Variants in ALDH1L1 observed in about 807,000 individuals in gnomAD.
The protein encoded by ALDH1L1 is cytosolic 10-formyltetrahydrofolate dehydrogenase.
A neutral mutation model predicts 101.1 loss-of-function variants in ALDH1L1; 68 were observed. The ratio of observed to expected loss-of-function variants is 0.67; its 90% confidence interval spans 0.55 to 0.82. The LOEUF is 0.82. Ranked by LOEUF, ALDH1L1 falls within the 40% of genes least tolerant of loss-of-function variation. ALDH1L1 has a pLI of 0.00. For missense variants in ALDH1L1, 1,087 were observed against 1,172.7 expected (o/e 0.93, Z 1.07); for synonymous variants, 486 against 470.8 (o/e 1.03, Z -0.42).
At chr3:126,172,493 A>G (rs902838049) in intron 1 of ALDH1L1, among the ~76,000 whole-genome samples, 7 of 152,196 alleles carry the variant, frequency 4.6e-5, no homozygotes, top group Non-Finnish European at 8.8e-5. Flanking sequence ...AATCAATGAG[A>G]TGGATGAAAT....
chr3:126,127,230 G>A (rs906827466), intron 14 of ALDH1L1, among the ~76,000 whole-genome samples: 13 of 152,288 alleles, frequency 8.5e-5, no homozygotes, highest in Admixed American at 3.3e-4. Context: ...GCCCTGGCAC[G>A]GGGTCAAAGG....
At chr3:126,161,124 T>G in intron 1 of ALDH1L1, 122 bp from the exon 2 acceptor site, 22 of 1,195,596 alleles carry the variant, frequency 1.8e-5, no homozygotes, top group Non-Finnish European at 2.4e-5. Flanking sequence ...TCTGTGGCTC[T>G]GTGGGTGGCA....
At chr3:126,154,825 C>T (rs1431198938) in intron 5 of ALDH1L1, among the ~76,000 whole-genome samples, 182 bp from the exon 6 acceptor site, 1 of 152,214 alleles carries the variant, frequency 6.6e-6, no homozygotes, top group Admixed American at 6.5e-5. Context: ...CCCTCAGTCT[C>T]TCATGGGCTG....
At chr3:126,171,731 C>T (rs1162306924) in intron 1 of ALDH1L1, among the ~76,000 whole-genome samples, 1 of 152,118 alleles carries the variant, frequency 6.6e-6, no homozygotes, top group Non-Finnish European at 1.5e-5. Context: ...GCCTAACTAA[C>T]CTAAGTGATG....
chr3:126,130,783 G>A (rs1311847653), intron 13 of ALDH1L1, among the ~76,000 whole-genome samples: 5 of 152,228 alleles, frequency 3.3e-5, no homozygotes, highest in Non-Finnish European at 7.3e-5. Flanking sequence ...GTCCTGCAGA[G>A]GTGGACCTCC....
rs562941676 is a variant in ALDH1L1, at chr3:126,188,992, T to A, written c.-24+8743A>T. On this transcript the variant is annotated intron_variant, in intron 1 of 2. Transcript: ENST00000509952. ...ACAGTACCCGACGTATTTATTCATA[T>A]GCAACAAAAAGCATCAGCACCGACT... is the stretch of plus-strand genomic sequence containing the variant. Among the ~76,000 whole-genome samples, 4 of 152,314 alleles carry A rather than the reference T, an allele frequency of 2.6e-5. No individual in the cohort carries two copies. In the South Asian group the frequency reaches 8.3e-4, roughly 32 times the overall value.
chr3:126,125,316 C>T (rs1241716074), intron 15 of ALDH1L1, among the ~76,000 whole-genome samples: 2 of 152,204 alleles, frequency 1.3e-5, no homozygotes, highest in African/African-American at 4.8e-5. Flanking sequence ...CTGGTTTCTG[C>T]CCCATGAATC....
intron 16 of ALDH1L1, among the ~76,000 whole-genome samples, chr3:126,118,673 AG>A (rs1471855769): frequency 1.3e-5 from 2 of 152,158 alleles, no homozygotes; most frequent in Admixed American, 1.3e-4. Context: ...CCCCAAGGTG[AG>A]GGCACCAAAC....
At chr3:126,115,031 C>G (rs1424019950) in intron 17 of ALDH1L1, 1 of 457,224 alleles carries the variant, frequency 2.2e-6, no homozygotes, top group Non-Finnish European at 4.4e-6. Flanking sequence ...GACCTCTGAC[C>G]CCACCTGCAG....
chr3:126,130,100 C>CACGG, intron 14 of ALDH1L1, 123 bp downstream of exon 14: 2 of 871,328 alleles, frequency 2.3e-6, no homozygotes. Context: ...TCAAGAAGCA[C>CACGG]ATGGATGGCT....
At chr3:126,172,843 C>A (rs1425580135) in intron 1 of ALDH1L1, among the ~76,000 whole-genome samples, 1 of 150,916 alleles carries the variant, frequency 6.6e-6, no homozygotes, top group Non-Finnish European at 1.5e-5. Context: ...TTCAGTGAAG[C>A]CAGGGAGAGG....
Position 126,150,627 on chromosome 3 carries a change from T to G in ALDH1L1, c.859-96A>C. The G allele has an allele frequency of 2.9e-6, 4 of 1,402,980 alleles. No individual in the cohort carries two copies. The South Asian group carries it at 5.4e-5, about 19-fold the overall frequency. 86.9% of individuals were successfully genotyped at this position (1,402,980 alleles called of 1,614,324 possible). ...TGGAGTGCAGTGGTGCGATCTCGGCTCACTACAACCTCCGCCTCCCGGGTT... is the reference window on the plus strand; with the variant it reads ...TGGAGTGCAGTGGTGCGATCTCGGCGCACTACAACCTCCGCCTCCCGGGTT... On this transcript the variant is annotated intron_variant, in intron 7 of 22. Transcript: ENST00000393434.
intron 1 of ALDH1L1, among the ~76,000 whole-genome samples, chr3:126,192,189 C>T (rs1291255736): frequency 6.6e-6 from 1 of 152,102 alleles, no homozygotes; most frequent in African/African-American, 2.4e-5. Context: ...AAATCGTGAA[C>T]AAATCTCCCT....
intron 9 of ALDH1L1, among the ~76,000 whole-genome samples, chr3:126,140,746 A>C (rs1221827190): frequency 6.6e-6 from 1 of 152,068 alleles, no homozygotes; most frequent in Non-Finnish European, 1.5e-5. Flanking sequence ...TTAAGATGTT[A>C]ATTGTAATCC....
In ALDH1L1 at chr3:126,195,491, C is replaced by G. The variant is rs555532011; in HGVS notation, c.-24+2244G>C. Among the ~76,000 whole-genome samples the G allele has an allele frequency of 9.2e-5, 14 of 152,200 alleles. No individual in the cohort carries two copies. In the East Asian group the frequency reaches 1.2e-3, roughly 13 times the overall value. ...GAGCTGGAGAGGATGTGGAGAAATACGAACACTTTTACACTGTTGGTGGGA... is the reference window on the plus strand; with the variant it reads ...GAGCTGGAGAGGATGTGGAGAAATAGGAACACTTTTACACTGTTGGTGGGA... On this transcript the variant is annotated intron_variant, in intron 1 of 2. Coordinates refer to the ALDH1L1 transcript ENST00000509952.
intron 1 of ALDH1L1, among the ~76,000 whole-genome samples, chr3:126,161,243 A>C (rs1218971721): frequency 1.3e-5 from 2 of 152,250 alleles, no homozygotes; most frequent in Non-Finnish European, 2.9e-5. Flanking sequence ...GGTGAGCTGG[A>C]AATGGATTGT....
In ALDH1L1 at chr3:126,158,601, A is replaced by G. The variant is rs1351655441; in HGVS notation, c.166T>C (p.Tyr56His). ...TGTCCTTTTGCACGCCACCGGGAGT[A>G]CTTGAATACCGGCACTCCATCCTTC... ...AEKDGVPVFK[Y>H]SRWRAKGQAL... is the part of the protein sequence containing the mutation. The change falls in exon 3 of 23, where the codon TAC becomes CAC. Residue 56 changes from tyrosine to histidine, a missense_variant. Transcript: ENST00000393434. 2 of 1,613,886 alleles carry G rather than the reference A, an allele frequency of 1.2e-6. No individual in the cohort carries two copies. The highest frequency in any genetic ancestry group is 1.1e-5 in the South Asian group (1 of 91,076).
intron 1 of ALDH1L1, among the ~76,000 whole-genome samples, chr3:126,173,311 G>A (rs915617846): frequency 6.6e-6 from 1 of 152,132 alleles, no homozygotes; most frequent in African/African-American, 2.4e-5. Context: ...AGGCATGGGA[G>A]GGAGGAATCA....
chr3:126,144,830 G>C (rs1261258921), intron 9 of ALDH1L1, among the ~76,000 whole-genome samples: 4 of 152,098 alleles, frequency 2.6e-5, no homozygotes, highest in Non-Finnish European at 4.4e-5. Context: ...GGAAACAAAA[G>C]CAAAAATATA....
Sources: gnomAD v4.1 joint callset for allele counts (sites outside exome capture counted in the v4.1 genomes callset) on GRCh38, gnomAD v4.1.1 for gene constraint, MANE v1.5 for transcripts, NCBI Gene and HGNC (gene_info 2026-07-23, HGNC 2026-07-21) for gene names.